PCDHA7: variants seen among roughly 807,000 people sequenced by gnomAD.
PCDHA7 encodes protocadherin alpha 7, also known as protocadherin alpha-7.
In PCDHA7, 37 loss-of-function variants were observed where a neutral mutation model predicts 57.2. The ratio of observed to expected loss-of-function variants is 0.65; its 90% CI spans 0.50 to 0.85. The LOEUF (loss-of-function observed/expected upper bound fraction) is 0.85, where lower values mean the gene tolerates loss of function less well. PCDHA7 is among the 40% of genes least tolerant of loss of function. The probability of loss-of-function intolerance (pLI) is 0.00; values close to 1 mark genes in which losing one functional copy is unlikely to be tolerated. For missense variants in PCDHA7, 1,188 were observed against 1,241.8 expected, an observed-to-expected ratio of 0.96 and a Z score of 0.65; for synonymous variants, 553 against 558.8, an observed-to-expected ratio of 0.99 and a Z score of 0.15.
In PCDHA7 at chr5:140,978,014, A is replaced by C. The variant is rs939579655; in HGVS notation, c.2356-935A>C. ...AGTGTCACAAGTTTTTCACAGTGAC[A>C]TTTTTGCTTACTGATACAAGACAGT... On this transcript the variant is annotated intron_variant, in intron 1 of 3. Transcript: ENST00000525929. Among the ~76,000 whole-genome samples, 9 of 152,256 alleles carry C rather than the reference A, an allele frequency of 5.9e-5. 1 individual carries two copies. The highest frequency in any genetic ancestry group is 2.2e-4 in the African/African-American group (9 of 41,540).
chr5:140,839,976 A>G (rs1776500319), intron 1 of PCDHA7, among the ~76,000 whole-genome samples: 1 of 152,102 alleles, frequency 6.6e-6, no homozygotes, highest in African/African-American at 2.4e-5. Flanking sequence ...TATGACTCCT[A>G]TTGGAAAGTG....
chr5:141,006,869 C>T (rs190273260), intron 3 of PCDHA7, among the ~76,000 whole-genome samples: 50 of 152,182 alleles, frequency 3.3e-4, no homozygotes, highest in African/African-American at 1.0e-3. Flanking sequence ...GGAATAGATT[C>T]GAGGAATCAA....
chr5:140,884,167 G>T (rs1554181302), intron 1 of PCDHA7: 2 of 1,613,294 alleles, frequency 1.2e-6, no homozygotes, highest in African/African-American at 1.3e-5. Context: ...AGATCAGCAC[G>T]ACGCGCCCTC....
At chr5:140,982,748 G>C (rs2097001127) in intron 3 of PCDHA7, among the ~76,000 whole-genome samples, 185 bp downstream of exon 3, 1 of 151,896 alleles carries the variant, frequency 6.6e-6, no homozygotes, top group African/African-American at 2.4e-5. Flanking sequence ...TGCTCTTCAG[G>C]AGTTGAAAAA....
chr5:140,884,797 T>A, intron 1 of PCDHA7: 1 of 1,276,990 alleles, frequency 7.8e-7, no homozygotes, highest in Non-Finnish European at 1.1e-6. Flanking sequence ...TTATCGAATT[T>A]AACAACTCTG....
intron 1 of PCDHA7, chr5:140,865,596 A>G (rs1309543842): frequency 2.6e-5 from 4 of 152,224 alleles, no homozygotes; most frequent in Admixed American, 2.0e-4. Context: ...CCATTGTTTG[A>G]GCAGTTTATT....
intron 1 of PCDHA7, chr5:140,852,273 GT>G (rs2042286951): frequency 2.0e-6 from 1 of 502,736 alleles, no homozygotes; most frequent in South Asian, 8.6e-5. Context: ...AATATTACAT[GT>G]TTTTTGTCTT....
Position 140,877,800 on chromosome 5 carries a change from T to G in PCDHA7, c.2355+41062T>G. 2.5e-6 allele frequency: 4 copies of G among 1,613,522 alleles called. No homozygotes were observed. In the Middle Eastern group the frequency reaches 5.0e-4, roughly 200 times the overall value. On this transcript the variant is annotated intron_variant, in intron 1 of 3. Transcript: ENST00000525929. ...ACCTCATGGCCTTCAGCCCAAGCCT[T>G]CAGCTGTCTCGAGAAGATTGTTTAA...
chr5:140,896,485 C>T (rs1259028670), intron 1 of PCDHA7, among the ~76,000 whole-genome samples: 1 of 152,032 alleles, frequency 6.6e-6, no homozygotes, highest in African/African-American at 2.4e-5. Flanking sequence ...GCCTCAGCCT[C>T]CTGAGTAGCT....
At position 140,840,122 on chromosome 5, in the gene PCDHA7, T is replaced by A. The variant is rs184520865; in HGVS notation, c.2355+3384T>A. On this transcript the variant is annotated intron_variant, in intron 1 of 3. Coordinates refer to ENST00000525929, the MANE Select transcript of PCDHA7 (RefSeq NM_018910.3). ...TAGTGAAATCGAGTGAAAGCTGTACTAATAAGGACAGAAATTATCACACGT... is the reference window on the plus strand; with the variant it reads ...TAGTGAAATCGAGTGAAAGCTGTACAAATAAGGACAGAAATTATCACACGT... 2.2e-3 allele frequency among the ~76,000 whole-genome samples: 336 copies of A among 152,116 alleles called. 4 individuals are homozygous for A. The highest frequency in any genetic ancestry group is 7.4e-3 in the African/African-American group (307 of 41,470).
intron 1 of PCDHA7, among the ~76,000 whole-genome samples, chr5:140,912,129 A>C (rs2075781767): frequency 6.6e-6 from 1 of 152,156 alleles, no homozygotes; most frequent in Admixed American, 6.6e-5. Flanking sequence ...AGTCAGTCTA[A>C]TCTCTCCATG....
At position 140,927,036 on chromosome 5, in the gene PCDHA7, C is replaced by A. The variant is rs137875923; in HGVS notation, c.2356-51913C>A. On this transcript the variant is annotated intron_variant, in intron 1 of 3. Transcript: ENST00000525929. ...CCGCGGACTTGAGGCTGCCAGCGGC[C>A]GCTATGTCCTCGCGGAACTTTCGCT... 9.3e-6 allele frequency: 15 copies of A among 1,612,314 alleles called. No homozygotes were observed. In the East Asian group the frequency reaches 3.3e-4, roughly 36 times the overall value.
chr5:141,009,562 C>G lies in PCDHA7; in HGVS notation c.2504-65C>G, dbSNP rs1469033090. On this transcript the variant is annotated intron_variant, in intron 3 of 3. Transcript: ENST00000525929. ...GCCTATGCAGTACTCCTGTACTCTA[C>G]CAGCAGTGTGGCATCAAGAGCATGT... The G allele has an allele frequency of 2.5e-6, 4 of 1,571,226 alleles. No individual in the cohort carries two copies. In the African/African-American group the frequency reaches 5.4e-5, roughly 21 times the overall value.
At chr5:140,956,038 A>T in intron 1 of PCDHA7, among the ~76,000 whole-genome samples, 1 of 152,182 alleles carries the variant, frequency 6.6e-6, no homozygotes, top group South Asian at 2.1e-4. Flanking sequence ...CAGCTTAAGA[A>T]GCTTTTGGGC....
At chr5:140,844,253 T>C (rs1269876279) in intron 1 of PCDHA7, among the ~76,000 whole-genome samples, 1 of 149,786 alleles carries the variant, frequency 6.7e-6, no homozygotes, top group Admixed American at 6.7e-5. Context: ...TTTTAAGCAG[T>C]GTAGTGATAA....
chr5:140,882,717 C>G (rs1311295002), intron 1 of PCDHA7: 1 of 1,614,102 alleles, frequency 6.2e-7, no homozygotes, highest in South Asian at 1.1e-5. Flanking sequence ...CCTCCGGAAA[C>G]TCGATTTCCA....
chr5:140,877,081 G>T (rs201590988), intron 1 of PCDHA7: 2 of 1,613,120 alleles, frequency 1.2e-6, no homozygotes, highest in Non-Finnish European at 1.7e-6. Flanking sequence ...CCAGGTGAGC[G>T]CGCGCGACGC....
intron 3 of PCDHA7, among the ~76,000 whole-genome samples, chr5:140,990,016 G>A (rs1211656433): frequency 6.6e-6 from 1 of 152,138 alleles, no homozygotes; most frequent in East Asian, 1.9e-4. Flanking sequence ...GCGTGGGCTA[G>A]GCAAAGGATG....
At chr5:140,916,665 G>A (rs1166692195) in intron 1 of PCDHA7, among the ~76,000 whole-genome samples, 2 of 152,184 alleles carry the variant, frequency 1.3e-5, no homozygotes, top group Non-Finnish European at 2.9e-5. Flanking sequence ...CAAGATGCAA[G>A]ACAAAGTCCT....
Sources: allele counts gnomAD v4.1 joint callset (sites outside exome capture counted in the v4.1 genomes callset), GRCh38; gene constraint gnomAD v4.1.1; transcripts MANE v1.5; gene names NCBI Gene and HGNC (gene_info 2026-07-23, HGNC 2026-07-21).